Variants in CYP3A5 observed in about 807,000 individuals in gnomAD.
The protein encoded by CYP3A5 is cytochrome P450 3A5.
Under a neutral mutation model 55.9 loss-of-function variants are expected in CYP3A5, and 51 were observed. The ratio of observed to expected loss-of-function variants is 0.91; its 90% CI spans 0.73 to 1.15. The LOEUF (loss-of-function observed/expected upper bound fraction) is 1.15. Among genes scored for constraint, CYP3A5 ranks in the 50% most tolerant of loss-of-function variants. CYP3A5 has a pLI of 0.00. For missense variants in CYP3A5, 533 were observed against 596.6 expected (o/e 0.89, Z 1.11); for synonymous variants, 196 against 213.9 (o/e 0.92, Z 0.73).
chr7:99,651,059 A>G (rs186663743), intron 11 of CYP3A5, among the ~76,000 whole-genome samples: 32 of 152,330 alleles, frequency 2.1e-4, no homozygotes, highest in Non-Finnish European at 4.4e-5. Context: ...TTTGGAGAGC[A>G]TTCTGAAATA....
In CYP3A5 at chr7:99,672,596, A is replaced by G; in HGVS notation, c.302T>C (p.Val101Ala). The change falls in exon 4 of 13, where the codon GTC (valine) becomes GCC (alanine). Residue 101 changes from valine (V) to alanine (A), a missense_variant. By Grantham distance (64) the Val-to-Ala change is moderately conservative. Transcript: ENST00000222982. ...GATGCTTACCCTTCGATTTGTGAAG[A>G]CAGAATAACATTCTTTCACTAGCAC... Reference protein sequence around the residue: ...RTVLVKECYSVFTNRRSLGPV... With the variant: ...RTVLVKECYSAFTNRRSLGPV... The G allele has an allele frequency of 1.9e-6, 3 of 1,613,912 alleles. No homozygotes were observed. The highest frequency in any genetic ancestry group is 2.5e-6 in the Non-Finnish European group (3 of 1,179,822).
At chr7:99,650,905 A>T (rs1809116116) in intron 11 of CYP3A5, among the ~76,000 whole-genome samples, 1 of 152,314 alleles carries the variant, frequency 6.6e-6, no homozygotes, top group South Asian at 2.1e-4. Context: ...GATCTGTTCC[A>T]TTAAGCTATA....
chr7:99,648,463 G>A, intron 12 of CYP3A5, 63 bp from the exon 13 acceptor site: 1 of 1,227,352 alleles, frequency 8.1e-7, no homozygotes, highest in East Asian at 3.0e-5. Context: ...AAAGATGGAA[G>A]CAAAGTAGAA....
At chr7:99,678,694 A>T (rs1812528284) in intron 1 of CYP3A5, among the ~76,000 whole-genome samples, 2 of 152,256 alleles carry the variant, frequency 1.3e-5, no homozygotes, top group Non-Finnish European at 2.9e-5. Context: ...GAATGAATTT[A>T]AACCATATCA....
chr7:99,662,990 C>T lies in CYP3A5; in HGVS notation c.799-108G>A. ...CTTCTTGACTTCCCTCCCTCAACCT[C>T]CCTATGGCTTCTTGAAGACGTGTTA... is the stretch of plus-strand genomic sequence containing the variant. On this transcript the variant is annotated intron_variant, in intron 8 of 12. Transcript: ENST00000222982. This position sits in a 1 kb window ranked among gnomAD's most constrained non-coding sequence, Gnocchi z 4.3. 6.6e-7 allele frequency: 1 copy of T among 1,523,302 alleles called. No individual in the cohort carries two copies. Among genetic ancestry groups the T allele is most frequent in the Non-Finnish European group, 8.8e-7 (1 of 1,133,354 alleles). The allele number at this position is 1,523,302 out of a possible 1,614,324, so 94.4% of individuals were successfully genotyped here.
Position 99,652,605 on chromosome 7 carries a change from G to C in CYP3A5, c.1201C>G (p.Leu401Val). 6.2e-7 allele frequency: 1 copy of C among 1,614,028 alleles called. No homozygotes were observed. The highest frequency in any genetic ancestry group is 1.7e-4 in the Middle Eastern group (1 of 6,060). ...GTCCAGTACTTTGGGTCATGGTGAA[G>C]AGCATAAGTTGGAATCACCACCATT... The part of the protein sequence containing the change: ...GSMVVIPTYA[L>V]HHDPKYWTEP... The change falls in exon 11 of 13, where the codon CTT becomes GTT. Residue 401 changes from leucine to valine, a missense_variant. Transcript: ENST00000222982.
rs1812016569 is a variant in CYP3A5, at chr7:99,674,426, G to A, written c.218+107C>T. On this transcript the variant is annotated intron_variant, in intron 3 of 12. Coordinates refer to ENST00000222982, the MANE Select transcript of CYP3A5 (RefSeq NM_000777.5). ...AGAACCTCTCTCTGTTTGTATTTAG[G>A]TTGACAAGAGCTTCATCCCATGAAG... 2.9e-5 allele frequency: 23 copies of A among 781,626 alleles called. No homozygotes were observed. In the South Asian group the frequency reaches 3.7e-4, roughly 12 times the overall value. The allele number at this position is 781,626 out of a possible 1,614,324, so 48.4% of individuals were successfully genotyped here.
intron 3 of CYP3A5, among the ~76,000 whole-genome samples, chr7:99,673,581 A>G (rs143338214): frequency 6.6e-6 from 1 of 152,364 alleles, no homozygotes; most frequent in East Asian, 1.9e-4. Context: ...ACTTGCAGAG[A>G]AAGTTTAAAA....
At chr7:99,678,374 C>T (rs1416983050) in intron 1 of CYP3A5, among the ~76,000 whole-genome samples, 1 of 152,204 alleles carries the variant, frequency 6.6e-6, no homozygotes, top group Non-Finnish European at 1.5e-5. Context: ...ACCTGGAAGC[C>T]TTTGCTATCG....
chr7:99,662,682 A>C lies in CYP3A5; in HGVS notation c.865+134T>G. Reference sequence around the variant, plus strand: ...GAAAGTGCCTCCAGCTACCATTTATAACATCTAAATGTGTGTTGTTCTGCT... The same window carrying C: ...GAAAGTGCCTCCAGCTACCATTTATCACATCTAAATGTGTGTTGTTCTGCT... On this transcript the variant is annotated intron_variant, in intron 9 of 12. Transcript: ENST00000222982. The surrounding 1 kb of genome is among the most constrained non-coding windows in gnomAD (Gnocchi z 4.3). The C allele has an allele frequency of 1.2e-6, 1 of 824,588 alleles. No homozygotes were observed. Among genetic ancestry groups the C allele is most frequent in the Non-Finnish European group, 1.9e-6 (1 of 513,354 alleles). The allele number at this position is 824,588 out of a possible 1,614,324, so 51.1% of individuals were successfully genotyped here. A position where few individuals can be genotyped will look rare whatever the true frequency, so the allele number is the denominator to read the frequency against.
intron 1 of CYP3A5, among the ~76,000 whole-genome samples, chr7:99,678,494 T>A (rs1406319651): frequency 6.6e-6 from 1 of 152,210 alleles, no homozygotes; most frequent in Non-Finnish European, 1.5e-5. Context: ...ACAGGTATAT[T>A]TGAAAAGACG....
chr7:99,655,157 C>T (rs1042316609), intron 10 of CYP3A5, among the ~76,000 whole-genome samples: 1 of 152,108 alleles, frequency 6.6e-6, no homozygotes, highest in African/African-American at 2.4e-5. Flanking sequence ...CTTGCCCATG[C>T]CTCTGTATTG....
chr7:99,663,026 C>T, intron 8 of CYP3A5, 144 bp from the exon 9 acceptor site: 1 of 1,410,344 alleles, frequency 7.1e-7, no homozygotes. Flanking sequence ...CCTGAGTCAC[C>T]AGTGAACAAA....
At position 99,662,399 on chromosome 7, in the gene CYP3A5, CA is replaced by C. The variant is rs1810543181; in HGVS notation, c.865+416del. Among the ~76,000 whole-genome samples the C allele has an allele frequency of 6.6e-6, 1 of 152,212 alleles. No individual in the cohort carries two copies. Among genetic ancestry groups the C allele is most frequent in the African/African-American group, 2.4e-5 (1 of 41,454 alleles). ...TTTCAAAGGGAAAAATAAAACTTTG[CA>C]GTAGATTAACCTTGCGAACACACTT... On this transcript the variant is annotated intron_variant, in intron 9 of 12. Coordinates refer to ENST00000222982, the MANE Select transcript of CYP3A5 (RefSeq NM_000777.5). This position sits in a 1 kb window ranked among gnomAD's most constrained non-coding sequence, Gnocchi z 4.3.
At chr7:99,659,701 C>T (rs964563086) in intron 10 of CYP3A5, 2 of 152,592 alleles carry the variant, frequency 1.3e-5, no homozygotes, top group Admixed American at 6.5e-5. Flanking sequence ...GGCAGACCTC[C>T]TTGAGCTGCG....
In CYP3A5 at chr7:99,652,672, C is replaced by G; in HGVS notation, c.1134G>C (p.Lys378Asn). Residue 378 changes from lysine to asparagine, a missense_variant, in exon 11 of 13, where the codon AAG (lysine) becomes AAC (asparagine). Transcript: ENST00000222982. ...ATACCCCATTGATTTCAACATCTTTCTTGCAAGTCCTCTCAAGTCTAATAG... is the reference window on the plus strand; with the variant it reads ...ATACCCCATTGATTTCAACATCTTTGTTGCAAGTCCTCTCAAGTCTAATAG... ...PVAIRLERTCKKDVEINGVFI... is the reference protein window; with the variant it reads ...PVAIRLERTCNKDVEINGVFI... 1 of 1,614,126 alleles carries G rather than the reference C, an allele frequency of 6.2e-7. No homozygotes were observed.
At chr7:99,669,039 T>C (rs148462061) in intron 4 of CYP3A5, among the ~76,000 whole-genome samples, 19 of 152,342 alleles carry the variant, frequency 1.2e-4, no homozygotes, top group African/African-American at 4.3e-4. Flanking sequence ...TATCTGTTAA[T>C]TTCCATAATA....
At chr7:99,663,869 T>C in intron 8 of CYP3A5, 99 bp downstream of exon 8, 1 of 1,453,490 alleles carries the variant, frequency 6.9e-7, no homozygotes, top group Non-Finnish European at 9.0e-7. Flanking sequence ...AAGTTCTCTG[T>C]CTTTATTTTT....
chr7:99,675,638 T>TCTCCC (rs1563003684), intron 2 of CYP3A5, among the ~76,000 whole-genome samples: 1 of 2,856 alleles, frequency 3.5e-4, no homozygotes, highest in African/African-American at 1.6e-3. Flanking sequence ...TCTCCTCTCC[T>TCTCCC]CTCCTCCCCC....
Sources: gnomAD v4.1 joint callset for allele counts (sites outside exome capture counted in the v4.1 genomes callset) on GRCh38, gnomAD v4.1.1 for gene constraint, Gnocchi (gnomAD v3.1) non-coding constraint, MANE v1.5 for transcripts, NCBI Gene and HGNC (gene_info 2026-07-23, HGNC 2026-07-21) for gene names.